FANCE: variants seen among roughly 807,000 people sequenced by gnomAD.
The protein encoded by FANCE is Fanconi anemia group E protein.
Under a neutral mutation model 57.8 loss-of-function variants are expected in FANCE, and 42 were observed. That is an observed-to-expected ratio of 0.73 (90% confidence interval 0.57 to 0.94). The LOEUF is 0.94. Ranked by LOEUF, FANCE falls within the 40% of genes least tolerant of loss-of-function variation. The pLI is 0.00. For synonymous variants in FANCE, 251 were observed against 286.4 expected (o/e 0.88, Z 1.25); for missense variants, 608 against 661.8 (o/e 0.92, Z 0.89).
At chr6:35,465,723 C>A (rs2150905055) in intron 9 of FANCE, among the ~76,000 whole-genome samples, 1 of 152,278 alleles carries the variant, frequency 6.6e-6, no homozygotes, top group South Asian at 2.1e-4. Context: ...CTGGGAGTAA[C>A]TTCATCAGAT....
At position 35,455,959 on chromosome 6, in the gene FANCE, C is replaced by T. The variant is rs1016962570; in HGVS notation, c.461C>T (p.Ser154Phe). Residue 154 changes from serine to phenylalanine, a missense_variant, in exon 2 of 10, where the codon TCT (serine) becomes TTT (phenylalanine). Transcript: ENST00000229769. ...LGVGTSMEGA[S>F]PLSERCQRQL... Reference sequence around the variant, plus strand: ...GTGGGGACCTCCATGGAGGGAGCTTCTCCACTGTCTGAAAGATGCCAGAGA... The same window carrying T: ...GTGGGGACCTCCATGGAGGGAGCTTTTCCACTGTCTGAAAGATGCCAGAGA... The T allele has an allele frequency of 1.2e-5, 20 of 1,613,874 alleles. No individual in the cohort carries two copies. The East Asian group carries it at 4.5e-4, about 36-fold the overall frequency.
rs575802143 is a variant in FANCE, at chr6:35,466,630, T to A, written c.*285T>A. 1 of 457,170 alleles carries A rather than the reference T, an allele frequency of 2.2e-6. No homozygotes were observed. The highest frequency in any genetic ancestry group is 1.9e-5 in the African/African-American group (1 of 51,308). The allele number at this position is 457,170 out of a possible 1,614,324, so 28.3% of individuals were successfully genotyped here. A position where few individuals can be genotyped will look rare whatever the true frequency, so the allele number is the denominator to read the frequency against. On this transcript the variant is annotated 3_prime_UTR_variant, in exon 10 of 10. Transcript: ENST00000229769. ...TCCAGGCTGGAGTGCAGTGATGCGATTGATCATGGCTCACTGTAACCTCTG... is the reference window on the plus strand; with the variant it reads ...TCCAGGCTGGAGTGCAGTGATGCGAATGATCATGGCTCACTGTAACCTCTG...
chr6:35,460,648 C>G (rs1767554447), intron 8 of FANCE, 30 bp downstream of exon 8: 19 of 1,599,540 alleles, frequency 1.2e-5, no homozygotes, highest in Non-Finnish European at 1.5e-5. Context: ...GAAGAGTGGA[C>G]AAAGAAGTGC....
chr6:35,457,657 A>T, intron 3 of FANCE, 57 bp downstream of exon 3: 1 of 1,587,890 alleles, frequency 6.3e-7, no homozygotes, highest in Admixed American at 1.7e-5. Context: ...CCCAGACCCC[A>T]ACTATGCCCA....
At chr6:35,463,355 G>C (rs1005881282) in intron 9 of FANCE, among the ~76,000 whole-genome samples, 1 of 152,018 alleles carries the variant, frequency 6.6e-6, no homozygotes, top group Non-Finnish European at 1.5e-5. Flanking sequence ...GAAACAACAA[G>C]TTCAAGCCCA....
intron 9 of FANCE, 63 bp downstream of exon 9, chr6:35,462,977 G>A: frequency 1.9e-6 from 3 of 1,609,460 alleles, no homozygotes; most frequent in Non-Finnish European, 2.5e-6. Context: ...CCTGCCACAA[G>A]GGTGTATGAA....
chr6:35,459,707 T>C lies in FANCE; in HGVS notation c.1263T>C (p.Cys421=), dbSNP rs747692546. ...GTGPAQTELL[C]CLVKMESLEP... is the part of the protein sequence containing the mutation. ...GTCCTGCTCAAACAGAGTTACTGTGTTGCCTTGTGAAGATGGAGTCCCTGG... is the reference window on the plus strand; with the variant it reads ...GTCCTGCTCAAACAGAGTTACTGTGCTGCCTTGTGAAGATGGAGTCCCTGG... Residue 421 remains cysteine, a synonymous_variant, in exon 7 of 10, where the codon TGT becomes TGC. Transcript: ENST00000229769. 6 of 1,614,206 alleles carry C rather than the reference T, an allele frequency of 3.7e-6. No homozygotes were observed. The East Asian group carries it at 1.3e-4, about 36-fold the overall frequency.
rs768033311 is a variant in FANCE, at chr6:35,455,956, C to T, written c.458C>T (p.Ala153Val). The change falls in exon 2 of 10, where the codon GCT becomes GTT. Residue 153 changes from alanine to valine, a missense_variant. Physicochemically the swap from Ala to Val is moderately conservative, Grantham distance 64. Transcript: ENST00000229769. The part of the protein sequence containing the change: ...DLGVGTSMEG[A>V]SPLSERCQRQ... The stretch of plus-strand genomic sequence containing the variant: ...GGGGTGGGGACCTCCATGGAGGGAG[C>T]TTCTCCACTGTCTGAAAGATGCCAG... 3.1e-6 allele frequency: 5 copies of T among 1,613,828 alleles called. No individual in the cohort carries two copies. The highest frequency in any genetic ancestry group is 3.4e-6 in the Non-Finnish European group (4 of 1,179,940).
chr6:35,455,755 T>C lies in FANCE; in HGVS notation c.257T>C (p.Leu86Pro), dbSNP rs765137858. 1.9e-6 allele frequency: 3 copies of C among 1,613,914 alleles called. No homozygotes were observed. Among genetic ancestry groups the C allele is most frequent in the African/African-American group, 2.7e-5 (2 of 74,920 alleles). ...CTCCCTCTGCTACCCAGGAAACCAC[T>C]GTTGCTGCGATTGCCCCGGATATGC... Reference protein sequence around the residue: ...GPDGRLELKPLLLRLPRICQR... With the variant: ...GPDGRLELKPPLLRLPRICQR... The change falls in exon 2 of 10, where the codon CTG becomes CCG. Residue 86 changes from leucine (L) to proline (P), a missense_variant. Coordinates refer to ENST00000229769, the MANE Select transcript of FANCE (RefSeq NM_021922.3).
At chr6:35,457,499 G>A (rs1384581604) in intron 2 of FANCE, 57 bp from the exon 3 acceptor site, 2 of 1,598,654 alleles carry the variant, frequency 1.3e-6, no homozygotes, top group Non-Finnish European at 1.7e-6. Flanking sequence ...CCAGAACCGG[G>A]CTTGGGGTCA....
intron 9 of FANCE, among the ~76,000 whole-genome samples, chr6:35,463,439 C>T (rs1767673104): frequency 6.6e-6 from 1 of 152,154 alleles, no homozygotes; most frequent in Middle Eastern, 3.2e-3. Context: ...CTGTGTGGGG[C>T]ACTGGGAAAT....
At chr6:35,454,460 C>T (rs1454764334) in intron 1 of FANCE, among the ~76,000 whole-genome samples, 1 of 152,124 alleles carries the variant, frequency 6.6e-6, no homozygotes, top group Non-Finnish European at 1.5e-5. Context: ...CCTCACATCC[C>T]AAGTGCCTCT....
chr6:35,458,253 G>A (rs1480780508), intron 4 of FANCE, 44 bp from the exon 5 acceptor site: 2 of 1,609,964 alleles, frequency 1.2e-6, no homozygotes, highest in Admixed American at 1.7e-5. Flanking sequence ...CAGAGGCAGA[G>A]TGCATGTCCC....
At chr6:35,460,690 G>C in intron 8 of FANCE, 72 bp downstream of exon 8, 1 of 1,421,378 alleles carries the variant, frequency 7.0e-7, no homozygotes. Flanking sequence ...GGGTTCCTGG[G>C]TTTCTGAGTC....
chr6:35,457,789 G>C, intron 3 of FANCE, 127 bp from the exon 4 acceptor site: 1 of 1,034,732 alleles, frequency 9.7e-7, no homozygotes, highest in Non-Finnish European at 1.5e-6. Flanking sequence ...CTAACCCCAG[G>C]TAACTTCCTC....
chr6:35,463,972 T>G (rs1051458235), intron 9 of FANCE, among the ~76,000 whole-genome samples: 2 of 151,720 alleles, frequency 1.3e-5, no homozygotes, highest in Non-Finnish European at 2.9e-5. Context: ...ACTTCCTGAC[T>G]CTTAAAAGGT....
chr6:35,454,402 C>G (rs1055346749), intron 1 of FANCE, among the ~76,000 whole-genome samples: 1 of 152,210 alleles, frequency 6.6e-6, no homozygotes, highest in Non-Finnish European at 1.5e-5. Flanking sequence ...TTTTCTCTCT[C>G]ACATAGTGTC....
chr6:35,462,432 T>C (rs1049291146), intron 8 of FANCE, among the ~76,000 whole-genome samples: 1 of 152,050 alleles, frequency 6.6e-6, no homozygotes, highest in African/African-American at 2.4e-5. Flanking sequence ...AAGAGACAGG[T>C]GATTAAGGTG....
chr6:35,456,155 A>T lies in FANCE; in HGVS notation c.657A>T (p.Arg219Ser). The T allele has an allele frequency of 6.2e-7, 1 of 1,614,140 alleles. No homozygotes were observed. Among genetic ancestry groups the T allele is most frequent in the Non-Finnish European group, 8.5e-7 (1 of 1,180,028 alleles). ...ASPEGKRVPK[R>S]LRCWEEEEDH... ...CTGAGGGGAAGAGGGTCCCCAAAAG[A>T]TTACGGTGTTGGGAAGAGGAAGAAG... Residue 219 changes from arginine to serine, a missense_variant, in exon 2 of 10, where the codon AGA becomes AGT. Transcript: ENST00000229769. The surrounding 1 kb of genome is among the most constrained non-coding windows in gnomAD (Gnocchi z 4.3).
Sources: gnomAD v4.1 joint callset for allele counts (sites outside exome capture counted in the v4.1 genomes callset) on GRCh38, gnomAD v4.1.1 for gene constraint, Gnocchi (gnomAD v3.1) non-coding constraint, MANE v1.5 for transcripts, NCBI Gene and HGNC (gene_info 2026-07-23, HGNC 2026-07-21) for gene names.